The following VWA5B1 variants were observed in gnomAD, a reference collection of about 807,000 sequenced individuals.
VWA5B1 encodes von Willebrand factor A domain-containing protein 5B1.
In VWA5B1, 115 loss-of-function variants were observed where a neutral mutation model predicts 118.2. That is an observed-to-expected ratio of 0.97 (90% CI 0.84 to 1.14). The LOEUF is 1.14. VWA5B1 is among the 50% of genes most tolerant of loss of function. VWA5B1 has a pLI of 0.00. For synonymous variants in VWA5B1, 682 were observed against 658.4 expected (o/e 1.04, Z -0.55); for missense variants, 1,596 against 1,603.8 (o/e 1.00, Z 0.08).
intron 18 of VWA5B1, chr1:20,348,990 C>G: frequency 4.2e-6 from 1 of 239,728 alleles, no homozygotes; most frequent in Non-Finnish European, 8.8e-6. Flanking sequence ...GGTTCCCTCA[C>G]GTGCACAGGG....
chr1:20,350,814 G>C (rs2101020467), intron 19 of VWA5B1, 43 bp from the exon 20 acceptor site: 1 of 1,538,858 alleles, frequency 6.5e-7, no homozygotes, highest in African/African-American at 1.4e-5. Context: ...AGTTGGACGG[G>C]GTCATCTTCA....
At chr1:20,314,282 A>G (rs2088934404) in intron 3 of VWA5B1, 40 bp from the exon 4 acceptor site, 1 of 1,541,474 alleles carries the variant, frequency 6.5e-7, no homozygotes, top group Non-Finnish European at 8.8e-7. Context: ...GGGATCAGAG[A>G]TAATCTATGT....
rs564566358 is a variant in VWA5B1, at chr1:20,342,571, G to C, written c.2273G>C (p.Arg758Thr). 6.6e-7 allele frequency: 1 copy of C among 1,522,082 alleles called. No individual in the cohort carries two copies. The highest frequency in any genetic ancestry group is 1.3e-5 in the South Asian group (1 of 79,598). 94.3% of individuals were successfully genotyped at this position (1,522,082 alleles called of 1,614,324 possible). Residue 758 changes from arginine (R) to threonine (T), a missense_variant, in exon 15 of 22, where the codon AGA becomes ACA. Coordinates refer to ENST00000289815, the MANE Select transcript of VWA5B1 (RefSeq NM_001039500.3). ...GAGACCCAGGCCTGGAGCCCTGTGA[G>C]AGAGCGGACTTCTGACAGCCGAAGC... ...GQETQAWSPV[R>T]ERTSDSRSPG...
chr1:20,329,576 C>A (rs1269314061), intron 9 of VWA5B1, among the ~76,000 whole-genome samples: 1 of 152,076 alleles, frequency 6.6e-6, no homozygotes, highest in East Asian at 1.9e-4. Context: ...CCCAAACATG[C>A]TGTTACTTCT....
At chr1:20,353,346 G>A (rs946776666) in intron 21 of VWA5B1, among the ~76,000 whole-genome samples, 1 of 152,120 alleles carries the variant, frequency 6.6e-6, no homozygotes, top group African/African-American at 2.4e-5. Context: ...GGTGGGGAGA[G>A]GGGAGGAAAG....
intron 17 of VWA5B1, among the ~76,000 whole-genome samples, chr1:20,347,973 C>G (rs2090042819): frequency 6.6e-6 from 1 of 152,144 alleles, no homozygotes; most frequent in Non-Finnish European, 1.5e-5. Flanking sequence ...ATAGTATCTA[C>G]CCAGCAAGCT....
chr1:20,349,900 C>T (rs1320903172), intron 18 of VWA5B1, among the ~76,000 whole-genome samples: 2 of 152,054 alleles, frequency 1.3e-5, no homozygotes, highest in Non-Finnish European at 2.9e-5. Flanking sequence ...AGTAATTTTG[C>T]CAAGTCCCCA....
intron 7 of VWA5B1, among the ~76,000 whole-genome samples, chr1:20,322,557 G>C (rs2089252137): frequency 6.6e-6 from 1 of 152,212 alleles, no homozygotes; most frequent in African/African-American, 2.4e-5. Context: ...GGTAAAAGAA[G>C]CTAAGAGATG....
Position 20,315,053 on chromosome 1 carries a change from G to C in VWA5B1, c.563+461G>C, listed in dbSNP as rs2088963117. Among the ~76,000 whole-genome samples the C allele has an allele frequency of 5.3e-5, 8 of 152,334 alleles. No homozygotes were observed. In the South Asian group the frequency reaches 1.7e-3, roughly 32 times the overall value. On this transcript the variant is annotated intron_variant, in intron 4 of 21. Transcript: ENST00000289815. Reference sequence around the variant, plus strand: ...ACTGGAATGCGTTATTGACTGAAAAGTACAAGGAAGGAGAAGTTCATTGGG... The same window carrying C: ...ACTGGAATGCGTTATTGACTGAAAACTACAAGGAAGGAGAAGTTCATTGGG...
At chr1:20,332,142 T>A (rs1165026598) in intron 11 of VWA5B1, among the ~76,000 whole-genome samples, 1 of 152,190 alleles carries the variant, frequency 6.6e-6, no homozygotes, top group Non-Finnish European at 1.5e-5. Flanking sequence ...GCCCTTGGGC[T>A]AGTCACAGCC....
chr1:20,332,892 C>T lies in VWA5B1; in HGVS notation c.1699C>T (p.Arg567Trp), dbSNP rs146007147. 232 of 1,551,986 alleles carry T rather than the reference C, an allele frequency of 1.5e-4. No individual in the cohort carries two copies. The highest frequency in any genetic ancestry group is 1.9e-4 in the Non-Finnish European group (215 of 1,147,070). Residue 567 changes from arginine to tryptophan, a missense_variant, in exon 12 of 22, where the codon CGG becomes TGG. Physicochemically the swap from Arg to Trp is moderately radical, Grantham distance 101. Transcript: ENST00000289815. ...VSASSLFPGE[R>W]LVGYGIVCDA... ...CGCCAGCTCCCTCTTCCCTGGAGAA[C>T]GGCTGGTGGGGTATGGCATTGTATG...
intron 1 of VWA5B1, among the ~76,000 whole-genome samples, chr1:20,297,988 G>A (rs2088436517): frequency 7.5e-6 from 1 of 133,350 alleles, no homozygotes; most frequent in Non-Finnish European, 1.6e-5. Context: ...TTCATGACTC[G>A]GTGGTGGATT....
At chr1:20,342,757 C>A in intron 15 of VWA5B1, 148 bp downstream of exon 15, 3 of 1,082,352 alleles carry the variant, frequency 2.8e-6, no homozygotes, top group East Asian at 2.7e-5. Flanking sequence ...AGGACCTCAC[C>A]AATCCCACGC....
intron 1 of VWA5B1, among the ~76,000 whole-genome samples, chr1:20,309,543 G>GGGTGT (rs1165542267): frequency 6.6e-6 from 1 of 152,228 alleles, no homozygotes; most frequent in African/African-American, 2.4e-5. Flanking sequence ...GGGACCCGCA[G>GGGTGT]GGTGTGTTTG....
chr1:20,335,190 T>C (rs1023901397), intron 12 of VWA5B1, among the ~76,000 whole-genome samples: 17 of 152,198 alleles, frequency 1.1e-4, no homozygotes, highest in African/African-American at 3.9e-4. Context: ...TGGCATATGC[T>C]TGTAGTCCCA....
intron 4 of VWA5B1, 86 bp from the exon 5 acceptor site, chr1:20,317,444 A>C: frequency 4.0e-6 from 6 of 1,489,080 alleles, no homozygotes; most frequent in East Asian, 2.5e-5. Context: ...GCTGCCTGGA[A>C]CTCATCGTCC....
At chr1:20,314,291 G>A in intron 3 of VWA5B1, 31 bp from the exon 4 acceptor site, 1 of 1,547,666 alleles carries the variant, frequency 6.5e-7, no homozygotes, top group Non-Finnish European at 8.7e-7. Flanking sequence ...GATAATCTAT[G>A]TACAGCCCCT....
At position 20,353,812 on chromosome 1, in the gene VWA5B1, C is replaced by G. The variant is rs190647773; in HGVS notation, c.3197C>G (p.Ala1066Gly). ...CTGCTCAACGAAGCCTTCTGTGAGG[C>G]CACGCACATCCCCATGGAGAAGCTC... ...AFLLNEAFCE[A>G]THIPMEKLKW... Residue 1066 changes from alanine (A) to glycine (G), a missense_variant, in exon 22 of 22, where the codon GCC (alanine) becomes GGC (glycine). Physicochemically the swap from Ala to Gly is moderately conservative, Grantham distance 60 (BLOSUM62 0). Coordinates refer to ENST00000289815, the MANE Select transcript of VWA5B1 (RefSeq NM_001039500.3). The G allele has an allele frequency of 6.7e-7, 1 of 1,494,442 alleles. No individual in the cohort carries two copies. Among genetic ancestry groups the G allele is most frequent in the Non-Finnish European group, 8.9e-7 (1 of 1,119,306 alleles). 92.6% of individuals were successfully genotyped at this position (1,494,442 alleles called of 1,614,324 possible).
intron 8 of VWA5B1, among the ~76,000 whole-genome samples, chr1:20,326,681 C>T (rs988505726): frequency 2.0e-5 from 3 of 152,072 alleles, no homozygotes; most frequent in Admixed American, 6.6e-5. Context: ...GAACTCCTGA[C>T]CTCATGATCT....
Sources: gnomAD v4.1 joint callset for allele counts (sites outside exome capture counted in the v4.1 genomes callset) on GRCh38, gnomAD v4.1.1 for gene constraint, MANE v1.5 for transcripts, NCBI Gene and HGNC (gene_info 2026-07-23, HGNC 2026-07-21) for gene names.